Variants in SPAG16 observed in about 807,000 individuals in gnomAD.
SPAG16 encodes sperm associated antigen 16.
A neutral mutation model predicts 80.4 loss-of-function variants in SPAG16; 86 were observed. That is an observed-to-expected ratio of 1.07 (90% confidence interval 0.90 to 1.28). The LOEUF (loss-of-function observed/expected upper bound fraction) is 1.28. Among genes scored for constraint, SPAG16 ranks in the 50% most tolerant of loss-of-function variants. The pLI, the probability that SPAG16 is intolerant of heterozygous loss-of-function variation, is 0.00. For synonymous variants in SPAG16, 294 were observed against 265.9 expected, an observed-to-expected ratio of 1.11 and a Z score of -1.03; for missense variants, 870 against 765.3, an observed-to-expected ratio of 1.14 and a Z score of -1.61.
chr2:213,826,366 G>C (rs768461508), intron 10 of SPAG16, among the ~76,000 whole-genome samples: 5 of 151,652 alleles, frequency 3.3e-5, no homozygotes, highest in Non-Finnish European at 7.4e-5. Context: ...CTTTTTTGAT[G>C]TAGGCACTTA....
At chr2:214,372,954 T>A (rs1251746537) in intron 15 of SPAG16, among the ~76,000 whole-genome samples, 1 of 152,148 alleles carries the variant, frequency 6.6e-6, no homozygotes, top group Non-Finnish European at 1.5e-5. Flanking sequence ...TACCTGCATT[T>A]CCTGATGCTC....
intron 9 of SPAG16, among the ~76,000 whole-genome samples, chr2:213,429,362 C>T (rs1291963777): frequency 1.3e-5 from 2 of 152,130 alleles, no homozygotes; most frequent in African/African-American, 2.4e-5. Context: ...TTGACCCCCA[C>T]CACCTTCCCA....
intron 10 of SPAG16, among the ~76,000 whole-genome samples, chr2:213,805,347 T>G (rs188813808): frequency 6.6e-6 from 1 of 152,202 alleles, no homozygotes; most frequent in Admixed American, 6.5e-5. Flanking sequence ...GTGGAGAAAC[T>G]GATGTGGCAT....
chr2:213,643,127 T>G (rs1054617231), intron 10 of SPAG16, among the ~76,000 whole-genome samples: 2 of 150,942 alleles, frequency 1.3e-5, no homozygotes, highest in African/African-American at 4.9e-5. Context: ...ATACAACAGG[T>G]CTGATATTGA....
intron 11 of SPAG16, among the ~76,000 whole-genome samples, chr2:213,900,029 T>A (rs78280452): frequency 0.042 from 6,350 of 152,202 alleles, 162 homozygotes; most frequent in East Asian, 0.083. Context: ...AGACTACAGA[T>A]GATGACAAAT....
chr2:214,002,620 T>A (rs748769381), intron 12 of SPAG16, among the ~76,000 whole-genome samples: 3 of 152,062 alleles, frequency 2.0e-5, no homozygotes, highest in Non-Finnish European at 4.4e-5. Context: ...GTGGTACAGT[T>A]CCAGTCCAAA....
intron 15 of SPAG16, among the ~76,000 whole-genome samples, chr2:214,209,447 T>C (rs1436431605): frequency 1.3e-5 from 2 of 152,164 alleles, no homozygotes; most frequent in Admixed American, 6.6e-5. Context: ...CGAGAGATGT[T>C]CAAATACCCT....
intron 9 of SPAG16, among the ~76,000 whole-genome samples, chr2:213,405,950 C>G (rs1208534994): frequency 6.6e-6 from 1 of 152,068 alleles, no homozygotes; most frequent in Non-Finnish European, 1.5e-5. Flanking sequence ...CTGGTTAGCA[C>G]AAAGGCTACA....
At chr2:214,091,380 T>A (rs1398451744) in intron 13 of SPAG16, among the ~76,000 whole-genome samples, 1 of 152,138 alleles carries the variant, frequency 6.6e-6, no homozygotes, top group Non-Finnish European at 1.5e-5. Context: ...GTCACACAGC[T>A]GGTCAGAAAC....
At chr2:213,592,470 C>G (rs2060731586) in intron 10 of SPAG16, among the ~76,000 whole-genome samples, 1 of 152,088 alleles carries the variant, frequency 6.6e-6, no homozygotes, top group African/African-American at 2.4e-5. Flanking sequence ...GTAAATCAAA[C>G]TATTGGTTGA....
chr2:213,756,631 T>G (rs2068349695), intron 10 of SPAG16, among the ~76,000 whole-genome samples: 2 of 152,234 alleles, frequency 1.3e-5, no homozygotes, highest in African/African-American at 4.8e-5. Flanking sequence ...AATACCAGAC[T>G]TTTCCAAACA....
rs758440559 is a variant in SPAG16 at position 213,802,109 on chromosome 2, C to G, written c.1071-60376C>G. Among the ~76,000 whole-genome samples the G allele has an allele frequency of 7.4e-4, 113 of 152,036 alleles. 3 individuals are homozygous for G. Among genetic ancestry groups the G allele is most frequent in the Admixed American group, 3.9e-4 (6 of 15,260 alleles). On this transcript the variant is annotated intron_variant, in intron 10 of 15. Coordinates refer to ENST00000331683, the MANE Select transcript of SPAG16 (RefSeq NM_024532.5). Reference sequence around the variant, plus strand: ...ATTTATTTTCTGTTACAAGGAAAAGCTTGAGATTATACAGTTGTTTTTAAG... The same window carrying G: ...ATTTATTTTCTGTTACAAGGAAAAGGTTGAGATTATACAGTTGTTTTTAAG...
intron 10 of SPAG16, among the ~76,000 whole-genome samples, chr2:213,735,364 C>T (rs1213862665): frequency 6.6e-6 from 1 of 152,120 alleles, no homozygotes; most frequent in Non-Finnish European, 1.5e-5. Context: ...GTAATACTGA[C>T]AGTTGTAACA....
intron 12 of SPAG16, among the ~76,000 whole-genome samples, chr2:214,005,661 A>C (rs77127900): frequency 6.6e-6 from 1 of 152,324 alleles, no homozygotes; most frequent in East Asian, 1.9e-4. Flanking sequence ...TTTCATGGCT[A>C]CAAAGAAAGG....
intron 12 of SPAG16, among the ~76,000 whole-genome samples, chr2:213,981,637 T>C (rs910306327): frequency 6.6e-6 from 1 of 152,082 alleles, no homozygotes; most frequent in East Asian, 1.9e-4. Flanking sequence ...GACTTGAGTT[T>C]GTTTTCATTC....
intron 10 of SPAG16, among the ~76,000 whole-genome samples, chr2:213,614,327 G>T (rs1490076086): frequency 6.6e-6 from 1 of 152,156 alleles, no homozygotes; most frequent in Non-Finnish European, 1.5e-5. Context: ...TAAGATACAT[G>T]ATATATCTTT....
At chr2:214,001,972 A>G (rs1415893355) in intron 12 of SPAG16, among the ~76,000 whole-genome samples, 2 of 152,344 alleles carry the variant, frequency 1.3e-5, no homozygotes, top group East Asian at 3.9e-4. Flanking sequence ...AGGCTTCACA[A>G]TTGTGGCTGA....
intron 9 of SPAG16, among the ~76,000 whole-genome samples, chr2:213,387,747 C>T (rs1477956020): frequency 6.6e-6 from 1 of 151,926 alleles, no homozygotes; most frequent in East Asian, 1.9e-4. Context: ...AGCCACCGCG[C>T]CCGGCCATGC....
At chr2:213,702,951 T>C (rs1358907430) in intron 10 of SPAG16, among the ~76,000 whole-genome samples, 1 of 152,156 alleles carries the variant, frequency 6.6e-6, no homozygotes. Flanking sequence ...ATCCACGCGC[T>C]CTACCCTTCT....
Sources: gnomAD v4.1 joint callset for allele counts (sites outside exome capture counted in the v4.1 genomes callset) on GRCh38, gnomAD v4.1.1 for gene constraint, MANE v1.5 for transcripts, NCBI Gene and HGNC (gene_info 2026-07-23, HGNC 2026-07-21) for gene names.